GRM8: variants seen among roughly 807,000 people sequenced by gnomAD.
GRM8 encodes the protein glutamate metabotropic receptor 8.
A neutral mutation model predicts 87.2 loss-of-function variants in GRM8; 47 were observed. The observed-to-expected ratio is 0.54, with a 90% confidence interval of 0.43 to 0.69. The LOEUF (loss-of-function observed/expected upper bound fraction) is 0.69. Ranked by LOEUF, GRM8 falls within the 30% of genes least tolerant of loss-of-function variation. GRM8 has a pLI of 0.00. For missense variants in GRM8, 1,019 were observed against 1,139.2 expected (o/e 0.89, Z 1.52); for synonymous variants, 396 against 404.5 (o/e 0.98, Z 0.25).
At chr7:126,700,948 T>A (rs192190669) in intron 7 of GRM8, among the ~76,000 whole-genome samples, 3 of 152,156 alleles carry the variant, frequency 2.0e-5, no homozygotes, top group African/African-American at 7.2e-5. Flanking sequence ...ATATTTACCA[T>A]ATTGCCTCAT....
intron 3 of GRM8, among the ~76,000 whole-genome samples, chr7:126,971,858 G>A (rs1276434488): frequency 6.6e-6 from 1 of 152,058 alleles, no homozygotes; most frequent in Non-Finnish European, 1.5e-5. Flanking sequence ...TAGCTTTTGG[G>A]TATAAATCAG....
At chr7:127,236,670 G>C (rs1471356690) in intron 2 of GRM8, among the ~76,000 whole-genome samples, 1 of 152,174 alleles carries the variant, frequency 6.6e-6, no homozygotes, top group Non-Finnish European at 1.5e-5. Flanking sequence ...TTTGGGTGGG[G>C]ACACAAAGCC....
At chr7:127,005,896 T>G (rs1814239296) in intron 3 of GRM8, among the ~76,000 whole-genome samples, 1 of 151,816 alleles carries the variant, frequency 6.6e-6, no homozygotes, top group Non-Finnish European at 1.5e-5. Context: ...TTTCTTAAAT[T>G]TATGACCACA....
chr7:127,015,185 AAGAAGAAGAAGAAG>A (rs1749330743), intron 3 of GRM8, among the ~76,000 whole-genome samples: 3 of 56,180 alleles, frequency 5.3e-5, no homozygotes, highest in African/African-American at 1.9e-4. Flanking sequence ...GGAGAAGAAG[AAGAAGAAGAAGAAG>A]AAGAAGAAGA....
At chr7:126,669,695 C>T (rs1806179702) in intron 7 of GRM8, among the ~76,000 whole-genome samples, 1 of 152,168 alleles carries the variant, frequency 6.6e-6, no homozygotes, top group East Asian at 1.9e-4. Context: ...AGCAACTTAA[C>T]AAGTTTCACC....
At chr7:126,791,668 T>C (rs193282637) in intron 6 of GRM8, among the ~76,000 whole-genome samples, 1 of 152,258 alleles carries the variant, frequency 6.6e-6, no homozygotes, top group African/African-American at 2.4e-5. Flanking sequence ...AATTTGCTCA[T>C]AGTCATTATT....
At position 126,879,116 on chromosome 7, in the gene GRM8, C is replaced by T. The variant is rs192877245; in HGVS notation, c.1156+23426G>A. On this transcript the variant is annotated intron_variant, in intron 6 of 10. Coordinates refer to ENST00000339582, the MANE Select transcript of GRM8 (RefSeq NM_000845.3). ...AGGTGGAGGTTGCAGTGAGCCAAGA[C>T]GGCGCCATTGCACTCCAGCCTGGGC... Among the ~76,000 whole-genome samples, 612 of 138,550 alleles carry T rather than the reference C, an allele frequency of 4.4e-3. 6 individuals carry two copies. Among genetic ancestry groups the T allele is most frequent in the East Asian group, 0.02 (83 of 4,086 alleles). The allele number at this position is 138,550 out of a possible 152,430, so 90.9% of individuals were successfully genotyped here. A position where few individuals can be genotyped will look rare whatever the true frequency, so the allele number is the denominator to read the frequency against.
chr7:126,756,397 A>G (rs938595394), intron 7 of GRM8, among the ~76,000 whole-genome samples: 1 of 152,112 alleles, frequency 6.6e-6, no homozygotes, highest in Non-Finnish European at 1.5e-5. Flanking sequence ...GGCACTATTT[A>G]TAAGAGAAAG....
chr7:127,207,261 C>G (rs1730673346), intron 2 of GRM8, among the ~76,000 whole-genome samples: 1 of 151,946 alleles, frequency 6.6e-6, no homozygotes, highest in African/African-American at 2.4e-5. Context: ...TGCATTTGAA[C>G]CATCAGAACC....
intron 9 of GRM8, among the ~76,000 whole-genome samples, chr7:126,470,187 AT>A (rs1804996940): frequency 6.6e-6 from 1 of 151,540 alleles, no homozygotes; most frequent in Admixed American, 6.6e-5. Flanking sequence ...TCTTTTTTTT[AT>A]TTTATTTTAT....
intron 6 of GRM8, among the ~76,000 whole-genome samples, chr7:126,892,111 T>C (rs10954139): frequency 6.6e-6 from 1 of 151,520 alleles, no homozygotes; most frequent in African/African-American, 2.4e-5. Flanking sequence ...TTAATATTTG[T>C]ATAACTTTTT....
At chr7:126,569,318 T>A (rs1794501432) in intron 8 of GRM8, among the ~76,000 whole-genome samples, 1 of 152,212 alleles carries the variant, frequency 6.6e-6, no homozygotes, top group Non-Finnish European at 1.5e-5. Flanking sequence ...AAGTGCCACA[T>A]AACTATTGTT....
chr7:127,097,288 A>G (rs770583731), intron 3 of GRM8, among the ~76,000 whole-genome samples: 38 of 152,178 alleles, frequency 2.5e-4, no homozygotes, highest in Admixed American at 3.9e-4. Flanking sequence ...TTCAAGTAGA[A>G]GCAACTGTTA....
chr7:126,839,991 T>C (rs185697857), intron 6 of GRM8, among the ~76,000 whole-genome samples: 1 of 152,356 alleles, frequency 6.6e-6, no homozygotes, highest in East Asian at 1.9e-4. Context: ...CTAAGTCTGA[T>C]AAATGAAAAC....
chr7:127,092,334 CT>C (rs771650428), intron 3 of GRM8, among the ~76,000 whole-genome samples: 1 of 152,016 alleles, frequency 6.6e-6, no homozygotes, highest in South Asian at 2.1e-4. Context: ...AGAAATCTAA[CT>C]TGGGTGGGAA....
chr7:127,088,053 G>C (rs775132309), intron 3 of GRM8, among the ~76,000 whole-genome samples: 10 of 152,168 alleles, frequency 6.6e-5, no homozygotes, highest in Non-Finnish European at 1.3e-4. Context: ...TTTAAAAATA[G>C]AGGACTCAGC....
intron 2 of GRM8, among the ~76,000 whole-genome samples, chr7:127,180,377 G>A (rs1019840498): frequency 1.1e-4 from 16 of 151,878 alleles, no homozygotes; most frequent in Non-Finnish European, 1.8e-4. Flanking sequence ...AACACAAAAA[G>A]TCCGGGACCA....
chr7:127,193,269 C>T (rs1795114372), intron 2 of GRM8, among the ~76,000 whole-genome samples: 1 of 152,144 alleles, frequency 6.6e-6, no homozygotes. Flanking sequence ...ATCATACATA[C>T]AACCTTCAAA....
intron 3 of GRM8, among the ~76,000 whole-genome samples, chr7:127,040,016 G>C (rs1385588029): frequency 1.6e-5 from 1 of 61,062 alleles, no homozygotes; most frequent in African/African-American, 6.2e-5. Context: ...GGAGGGAGGG[G>C]AGGGTGAGGA....
Sources: allele counts gnomAD v4.1 joint callset (sites outside exome capture counted in the v4.1 genomes callset), GRCh38; gene constraint gnomAD v4.1.1; transcripts MANE v1.5; gene names NCBI Gene and HGNC (gene_info 2026-07-23, HGNC 2026-07-21).